The following GPSM2 variants were observed in gnomAD, a reference collection of about 807,000 sequenced individuals.
The protein encoded by GPSM2 is G protein-signaling modulator 2.
Under a neutral mutation model 78.4 loss-of-function variants are expected in GPSM2, and 58 were observed. That is an observed-to-expected ratio of 0.74 (90% CI 0.60 to 0.92). GPSM2 has a LOEUF of 0.92. Among genes scored for constraint, GPSM2 ranks in the 40% least tolerant of loss-of-function variants. GPSM2 has a pLI of 0.00. For missense variants in GPSM2, 700 were observed against 815.5 expected (o/e 0.86, Z 1.73); for synonymous variants, 224 against 280.2 (o/e 0.80, Z 2.00).
intron 2 of GPSM2, among the ~76,000 whole-genome samples, chr1:108,887,634 A>G (rs573619953): frequency 6.6e-6 from 1 of 152,250 alleles, no homozygotes; most frequent in South Asian, 2.1e-4. Context: ...CCAGGCTCCC[A>G]TTCTCATTCC....
chr1:108,898,588 T>C (rs955429966), intron 5 of GPSM2, 54 bp from the exon 6 acceptor site: 1 of 1,556,748 alleles, frequency 6.4e-7, no homozygotes, highest in Non-Finnish European at 8.9e-7. Context: ...GTAAATCACA[T>C]ACATAAAATT....
Position 108,901,848 on chromosome 1 carries a change from T to C in GPSM2, c.856T>C (p.Tyr286His). The change falls in exon 8 of 15, where the codon TAC (tyrosine) becomes CAC (histidine). Residue 286 changes from tyrosine to histidine, a missense_variant. Transcript: ENST00000264126. ...CCGAGCTGTAGAAGCACAGTCTTGT[T>C]ACAGTCTTGGAAATACATATACTTT... Reference protein sequence around the residue: ...KDRAVEAQSCYSLGNTYTLLQ... With the variant: ...KDRAVEAQSCHSLGNTYTLLQ... 7 of 1,611,710 alleles carry C rather than the reference T, an allele frequency of 4.3e-6. No individual in the cohort carries two copies. The highest frequency in any genetic ancestry group is 5.9e-6 in the Non-Finnish European group (7 of 1,177,796).
chr1:108,923,907 A>G (rs1314712378), intron 13 of GPSM2, 93 bp from the exon 14 acceptor site: 2 of 925,812 alleles, frequency 2.2e-6, no homozygotes, highest in African/African-American at 3.3e-5. Context: ...GGCAAGGCCG[A>G]AAAGATCTAG....
At chr1:108,924,889 G>T (rs1463845023) in intron 14 of GPSM2, among the ~76,000 whole-genome samples, 2 of 152,188 alleles carry the variant, frequency 1.3e-5, no homozygotes, top group Non-Finnish European at 2.9e-5. Context: ...TCCTCAAAGA[G>T]GATCCTGGCT....
chr1:108,885,103 C>T (rs1647426970), intron 1 of GPSM2, among the ~76,000 whole-genome samples, 172 bp from the exon 2 acceptor site: 2 of 152,138 alleles, frequency 1.3e-5, no homozygotes, highest in African/African-American at 4.8e-5. Flanking sequence ...CATCTATTCC[C>T]ACCCCTATTT....
At chr1:108,895,528 G>A (rs1648288763) in intron 2 of GPSM2, among the ~76,000 whole-genome samples, 1 of 152,136 alleles carries the variant, frequency 6.6e-6, no homozygotes, top group South Asian at 2.1e-4. Flanking sequence ...CCTGAGCTCC[G>A]CCTCCTGTCA....
chr1:108,925,355 T>C (rs1435813020), intron 14 of GPSM2, among the ~76,000 whole-genome samples: 1 of 152,052 alleles, frequency 6.6e-6, no homozygotes, highest in East Asian at 1.9e-4. Context: ...AAGGGAGAAG[T>C]AAATTTGGGA....
chr1:108,915,522 G>A (rs150257477), intron 11 of GPSM2, among the ~76,000 whole-genome samples: 2,170 of 151,122 alleles, frequency 0.014, 47 homozygotes, highest in African/African-American at 0.049. Context: ...CACCTCCCAG[G>A]TTCATGCGAT....
rs75018441 is a variant in GPSM2 at position 108,883,384 on chromosome 1, A to G, written c.-248-1891A>G. ...TAGAAGAGGAATTAGGCTTTATTGT[A>G]TATGGCAGCAGAAGGAAGAAGTAGA... is the stretch of plus-strand genomic sequence containing the variant. On this transcript the variant is annotated intron_variant, in intron 1 of 14. Transcript: ENST00000264126. 1.2e-4 allele frequency among the ~76,000 whole-genome samples: 19 copies of G among 152,358 alleles called. No homozygotes were observed. The East Asian group carries it at 3.7e-3, about 29-fold the overall frequency.
intron 2 of GPSM2, among the ~76,000 whole-genome samples, chr1:108,895,336 AAG>A (rs753955610): frequency 1.4e-4 from 22 of 152,226 alleles, no homozygotes; most frequent in African/African-American, 5.3e-4. Flanking sequence ...GAGCTTCTCA[AAG>A]AGTGATATGT....
In GPSM2 at chr1:108,891,486, G is replaced by T. The variant is rs535455655; in HGVS notation, c.57-5378G>T. ...TCCTTCTGTAGCAATACCTATCTTA[G>T]AAGGTTATTTTTATTTTATTTTATT... On this transcript the variant is annotated intron_variant, in intron 2 of 14. Transcript: ENST00000264126. 1.0e-3 allele frequency among the ~76,000 whole-genome samples: 158 copies of T among 152,044 alleles called. 1 individual carries two copies. The highest frequency in any genetic ancestry group is 6.8e-3 in the Middle Eastern group (2 of 294).
Position 108,885,346 on chromosome 1 carries a change from G to A in GPSM2, c.-177G>A, listed in dbSNP as rs564409538. On this transcript the variant is annotated 5_prime_UTR_variant, in exon 2 of 15. Coordinates refer to ENST00000264126, the MANE Select transcript of GPSM2 (RefSeq NM_013296.5). ...GGGATACATTTTGAACCTTTAAGCT[G>A]TCTGACATTGACCTCCTTTCATTAT... The A allele has an allele frequency of 3.8e-6, 2 of 520,992 alleles. No individual in the cohort carries two copies. Among genetic ancestry groups the A allele is most frequent in the African/African-American group, 3.8e-5 (2 of 52,108 alleles). The allele number at this position is 520,992 out of a possible 1,614,324, so 32.3% of individuals were successfully genotyped here.
Position 108,930,031 on chromosome 1 carries a change from T to A in GPSM2, c.*91T>A. The A allele has an allele frequency of 9.0e-7, 1 of 1,109,012 alleles. No homozygotes were observed. 68.7% of individuals were successfully genotyped at this position (1,109,012 alleles called of 1,614,324 possible). On this transcript the variant is annotated 3_prime_UTR_variant, in exon 15 of 15. Coordinates refer to ENST00000264126, the MANE Select transcript of GPSM2 (RefSeq NM_013296.5). ...AAAAGGAGAATTTATAGCACTGTAA[T>A]ACAGCTTAAAATATTTTTAGAATGA... is the stretch of plus-strand genomic sequence containing the variant.
chr1:108,913,668 A>AG (rs946539125), intron 10 of GPSM2, among the ~76,000 whole-genome samples: 49 of 152,220 alleles, frequency 3.2e-4, no homozygotes, highest in Non-Finnish European at 4.1e-4. Context: ...GGAAATTATG[A>AG]GGGGAGTTAT....
At chr1:108,907,833 G>C (rs1306404831) in intron 10 of GPSM2, among the ~76,000 whole-genome samples, 1 of 152,224 alleles carries the variant, frequency 6.6e-6, no homozygotes, top group Non-Finnish European at 1.5e-5. Flanking sequence ...AAGTGGTAGA[G>C]ATGGGAGTTA....
chr1:108,927,443 A>G (rs1232671335), intron 14 of GPSM2, among the ~76,000 whole-genome samples: 1 of 152,216 alleles, frequency 6.6e-6, no homozygotes, highest in Non-Finnish European at 1.5e-5. Flanking sequence ...AAAGACAGAC[A>G]TATAGACCAA....
chr1:108,889,344 C>T (rs1488760091), intron 2 of GPSM2, among the ~76,000 whole-genome samples: 1 of 151,996 alleles, frequency 6.6e-6, no homozygotes, highest in Non-Finnish European at 1.5e-5. Flanking sequence ...TTAAAAGAGG[C>T]AAAGGTAGAG....
chr1:108,889,986 C>G (rs1647856615), intron 2 of GPSM2, among the ~76,000 whole-genome samples: 1 of 152,136 alleles, frequency 6.6e-6, no homozygotes, highest in Non-Finnish European at 1.5e-5. Flanking sequence ...TCATGCTATG[C>G]CCTATGTTGA....
At chr1:108,920,244 G>A (rs559558456) in intron 12 of GPSM2, among the ~76,000 whole-genome samples, 7 of 152,156 alleles carry the variant, frequency 4.6e-5, no homozygotes, top group East Asian at 1.9e-4. Context: ...CAAGGCAGGC[G>A]GATCACTTGA....
Sources: allele counts gnomAD v4.1 joint callset (sites outside exome capture counted in the v4.1 genomes callset), GRCh38; gene constraint gnomAD v4.1.1; transcripts MANE v1.5; gene names NCBI Gene and HGNC (gene_info 2026-07-23, HGNC 2026-07-21).